CAMKK1: variants seen among roughly 807,000 people sequenced by gnomAD.
The protein encoded by CAMKK1 is calcium/calmodulin dependent protein kinase kinase 1.
A neutral mutation model predicts 63.5 loss-of-function variants in CAMKK1; 20 were observed. The ratio of observed to expected loss-of-function variants is 0.32; its 90% CI spans 0.22 to 0.46. CAMKK1 has a LOEUF of 0.46. Ranked by LOEUF, CAMKK1 falls within the 20% of genes least tolerant of loss-of-function variation. The pLI is 1.00. For synonymous variants in CAMKK1, 253 were observed against 269.0 expected (o/e 0.94, Z 0.58); for missense variants, 588 against 658.1 (o/e 0.89, Z 1.17).
chr17:3,869,074 T>C (rs2054715700), intron 14 of CAMKK1, among the ~76,000 whole-genome samples: 1 of 151,546 alleles, frequency 6.6e-6, no homozygotes, highest in African/African-American at 2.4e-5. Flanking sequence ...GTTCACACCA[T>C]TCTCCTGCCT....
chr17:3,879,310 C>G lies in CAMKK1; in HGVS notation c.796+1036G>C, dbSNP rs62071688. 1.3e-5 allele frequency: 2 copies of G among 152,796 alleles called. No individual in the cohort carries two copies. The highest frequency in any genetic ancestry group is 3.8e-4 in the East Asian group (2 of 5,218). 9.5% of individuals were successfully genotyped at this position (152,796 alleles called of 1,614,324 possible). ...GTCACTTGGGCTGCAGAAACAGCCT[C>G]CTCCCTGGCCAGCTGGCTGCCTCTC... On this transcript the variant is annotated intron_variant, in intron 9 of 15. Transcript: ENST00000348335. This position sits in a 1 kb window ranked among gnomAD's most constrained non-coding sequence, Gnocchi z 4.5.
chr17:3,876,056 C>T (rs2055135854), intron 10 of CAMKK1, among the ~76,000 whole-genome samples, 167 bp downstream of exon 10: 1 of 152,180 alleles, frequency 6.6e-6, no homozygotes, highest in Non-Finnish European at 1.5e-5. Context: ...TGCTGGAAAA[C>T]AGGAGAAGGC....
intron 10 of CAMKK1, among the ~76,000 whole-genome samples, chr17:3,874,857 C>T (rs978366610): frequency 1.3e-5 from 2 of 151,698 alleles, no homozygotes; most frequent in East Asian, 2.0e-4. Flanking sequence ...CGTGGTGGCT[C>T]ACACCTGTAA....
rs1361195872 is a variant in CAMKK1 at position 3,868,096 on chromosome 17, G to A, written c.1341+1391C>T. ...AGTCTAACTGATACGTGGGCTCTGGGGGAGAAGCAGGCGCCGTCTAACTGA... is the reference window on the plus strand; with the variant it reads ...AGTCTAACTGATACGTGGGCTCTGGAGGAGAAGCAGGCGCCGTCTAACTGA... On this transcript the variant is annotated intron_variant, in intron 14 of 15. Transcript: ENST00000348335. Among the ~76,000 whole-genome samples, 12 of 92,232 alleles carry A rather than the reference G, an allele frequency of 1.3e-4. 4 individuals carry two copies. The highest frequency in any genetic ancestry group is 2.5e-4 in the Non-Finnish European group (12 of 47,198). The allele number at this position is 92,232 out of a possible 152,430, so 60.5% of individuals were successfully genotyped here.
intron 12 of CAMKK1, among the ~76,000 whole-genome samples, chr17:3,871,054 C>A (rs867114764): frequency 1.3e-5 from 2 of 152,106 alleles, no homozygotes; most frequent in Admixed American, 6.5e-5. Flanking sequence ...GAGATGCAGG[C>A]AGATTTGTTG....
chr17:3,866,697 G>C (rs766227003), intron 14 of CAMKK1, among the ~76,000 whole-genome samples: 15 of 151,836 alleles, frequency 9.9e-5, no homozygotes, highest in Non-Finnish European at 1.9e-4. Context: ...GCCACACTGA[G>C]GCCAGAATTC....
At chr17:3,871,347 G>GTTTTTTTTTTTTTTTTTTTT (rs869219931) in intron 12 of CAMKK1, among the ~76,000 whole-genome samples, 36 of 104,354 alleles carry the variant, frequency 3.4e-4, no homozygotes, top group South Asian at 6.5e-4. Context: ...TTTTTTTTTT[G>GTTTTTTTTTTTTTTTTTTTT]TTTTTTTTTT....
chr17:3,880,783 CTT>C (rs35363183), intron 8 of CAMKK1, among the ~76,000 whole-genome samples: 1 of 144,056 alleles, frequency 6.9e-6, no homozygotes. Context: ...GTGGCAACTG[CTT>C]TTTTTTTTTT....
At chr17:3,885,306 C>T in intron 2 of CAMKK1, 22 bp downstream of exon 2, 2 of 1,559,962 alleles carry the variant, frequency 1.3e-6, no homozygotes, top group South Asian at 1.2e-5. Flanking sequence ...TCATGAACAA[C>T]CCCTCGTTCT....
Position 3,885,682 on chromosome 17 carries a change from C to T in CAMKK1, c.6G>A (p.Glu2=), listed in dbSNP as rs1392781417. 6.2e-7 allele frequency: 1 copy of T among 1,612,794 alleles called. No individual in the cohort carries two copies. Among genetic ancestry groups the T allele is most frequent in the East Asian group, 2.2e-5 (1 of 44,892 alleles). The part of the protein sequence containing the change: M[E]GGPAVCCQDP... ...CCTGGCAGCAGACAGCTGGACCCCC[C>T]TCCATTGCTTCAGTCAAGGGGGTTC... The change falls in exon 2 of 16, where the codon GAG becomes GAA. Residue 2 remains glutamate, a synonymous_variant. Transcript: ENST00000348335.
In CAMKK1 at chr17:3,890,848, C is replaced by T. The variant is rs191284567; in HGVS notation, c.-44+2091G>A. On this transcript the variant is annotated intron_variant, in intron 1 of 15. Transcript: ENST00000348335. This position sits in a 1 kb window ranked among gnomAD's most constrained non-coding sequence, Gnocchi z 6.5. ...TCGCCTCTTCTGAGCCCTCCTTGAT[C>T]TCCCCACTACCTGCTGGGTGAGCTC... 2 of 759,524 alleles carry T rather than the reference C, an allele frequency of 2.6e-6. No homozygotes were observed. Among genetic ancestry groups the T allele is most frequent in the African/African-American group, 3.4e-5 (2 of 58,740 alleles). The allele number at this position is 759,524 out of a possible 1,614,324, so 47.0% of individuals were successfully genotyped here.
chr17:3,881,555 G>A, intron 8 of CAMKK1, 72 bp downstream of exon 8: 4 of 1,433,748 alleles, frequency 2.8e-6, no homozygotes, highest in Non-Finnish European at 3.9e-6. Context: ...CCCCTGGGCT[G>A]GGGACACAGG....
In CAMKK1 at chr17:3,884,078, T is replaced by C. The variant is rs79596097; in HGVS notation, c.409-141A>G. 13,499 of 840,782 alleles carry C rather than the reference T, an allele frequency of 0.016. 1,217 individuals carry two copies. In the African/African-American group the frequency reaches 0.2, roughly 12 times the overall value. The allele number at this position is 840,782 out of a possible 1,614,324, so 52.1% of individuals were successfully genotyped here. On this transcript the variant is annotated intron_variant, in intron 3 of 15. Coordinates refer to ENST00000348335, the MANE Select transcript of CAMKK1 (RefSeq NM_032294.3). The surrounding 1 kb of genome is among the most constrained non-coding windows in gnomAD (Gnocchi z 4.5). ...CCACCAGCTGGCTCACGGGCAAATA[T>C]TGTAGCAGATGGGGAGGGGACTCCT... is the stretch of plus-strand genomic sequence containing the variant.
intron 15 of CAMKK1, among the ~76,000 whole-genome samples, chr17:3,863,957 T>C (rs1376632537): frequency 6.6e-6 from 1 of 151,558 alleles, no homozygotes; most frequent in Non-Finnish European, 1.5e-5. Context: ...TACTTTTTTT[T>C]CTTTTTTTTT....
chr17:3,862,131 G>A lies in CAMKK1; in HGVS notation c.*80C>T. On this transcript the variant is annotated 3_prime_UTR_variant, in exon 16 of 16. Transcript: ENST00000348335. The surrounding 1 kb of genome is among the most constrained non-coding windows in gnomAD (Gnocchi z 4.1). ...CAGTCCCCAGCCCCCTGCCTGCGGG[G>A]GCGGCTGTTGCATGAGGGGTGGGCC... The A allele has an allele frequency of 6.7e-6, 8 of 1,202,748 alleles. No individual in the cohort carries two copies. Among genetic ancestry groups the A allele is most frequent in the Non-Finnish European group, 9.5e-6 (8 of 842,798 alleles). 74.5% of individuals were successfully genotyped at this position (1,202,748 alleles called of 1,614,324 possible). A position where few individuals can be genotyped will look rare whatever the true frequency, so the allele number is the denominator to read the frequency against.
At chr17:3,865,348 A>G (rs1883080825) in intron 15 of CAMKK1, 1 of 987,238 alleles carries the variant, frequency 1.0e-6, no homozygotes, top group Admixed American at 5.9e-5. Context: ...GTCCCTGCTT[A>G]CTCACTGAAC....
chr17:3,882,296 C>G lies in CAMKK1; in HGVS notation c.685+232G>C. The G allele has an allele frequency of 3.1e-6, 5 of 1,614,108 alleles. No homozygotes were observed. The highest frequency in any genetic ancestry group is 4.2e-6 in the Non-Finnish European group (5 of 1,180,012). On this transcript the variant is annotated intron_variant, in intron 7 of 15. Coordinates refer to ENST00000348335, the MANE Select transcript of CAMKK1 (RefSeq NM_032294.3). This position sits in a 1 kb window ranked among gnomAD's most constrained non-coding sequence, Gnocchi z 4.3. ...CACGTGGATCCACTGTCTTGCTGCTCAGAGGGAAGCAGGGAGTGGGGCTTG... is the reference window on the plus strand; with the variant it reads ...CACGTGGATCCACTGTCTTGCTGCTGAGAGGGAAGCAGGGAGTGGGGCTTG...
intron 12 of CAMKK1, among the ~76,000 whole-genome samples, chr17:3,871,856 G>C (rs939946844): frequency 3.3e-5 from 5 of 151,678 alleles, no homozygotes; most frequent in African/African-American, 1.2e-4. Context: ...ATGTTGGCCA[G>C]GCTGGTCTCT....
At position 3,883,239 on chromosome 17, in the gene CAMKK1, A is replaced by G; in HGVS notation, c.515-64T>C. On this transcript the variant is annotated intron_variant, in intron 5 of 15. Coordinates refer to ENST00000348335, the MANE Select transcript of CAMKK1 (RefSeq NM_032294.3). This position sits in a 1 kb window ranked among gnomAD's most constrained non-coding sequence, Gnocchi z 4.7. ...GGCTGGGCCTCACCGTGGCCCCCAA[A>G]CCAGTCTCAAGCAAGAGTCTTGCAT... The G allele has an allele frequency of 6.3e-7, 1 of 1,595,240 alleles. No individual in the cohort carries two copies. The highest frequency in any genetic ancestry group is 8.5e-7 in the Non-Finnish European group (1 of 1,171,428).
Sources: gnomAD v4.1 joint callset for allele counts (sites outside exome capture counted in the v4.1 genomes callset) on GRCh38, gnomAD v4.1.1 for gene constraint, Gnocchi (gnomAD v3.1) non-coding constraint, MANE v1.5 for transcripts, NCBI Gene and HGNC (gene_info 2026-07-23, HGNC 2026-07-21) for gene names.